The following CDH11 variants were observed in gnomAD, a reference collection of about 807,000 sequenced individuals.
CDH11 encodes the protein cadherin-11.
CDH11 carries 11 observed loss-of-function variants against 67.8 expected under a neutral mutation model. The ratio of observed to expected loss-of-function variants is 0.16; its 90% CI spans 0.10 to 0.27. The LOEUF (loss-of-function observed/expected upper bound fraction) is 0.27, where lower values mean the gene tolerates loss of function less well. Among genes scored for constraint, CDH11 ranks in the 10% least tolerant of loss-of-function variants. The probability of loss-of-function intolerance (pLI) is 1.00; values close to 1 mark genes in which losing one functional copy is unlikely to be tolerated. For synonymous variants in CDH11, 419 were observed against 400.0 expected (o/e 1.05, Z -0.57); for missense variants, 847 against 1,031.2 (o/e 0.82, Z 2.45).
chr16:65,088,586 A>G (rs2142823526), intron 1 of CDH11, among the ~76,000 whole-genome samples: 1 of 152,356 alleles, frequency 6.6e-6, no homozygotes, highest in East Asian at 1.9e-4. Flanking sequence ...AACTGTTACT[A>G]TTCAAAGAAT....
chr16:65,121,803 T>G lies in CDH11; in HGVS notation c.-298+77A>C. 2.9e-6 allele frequency: 2 copies of G among 689,894 alleles called. No homozygotes were observed. The highest frequency in any genetic ancestry group is 3.0e-5 in the South Asian group (2 of 67,122). 42.7% of individuals were successfully genotyped at this position (689,894 alleles called of 1,614,324 possible). ...ACCACCCCGCCCCGCCAAGACATTC[T>G]CTTCCTGAGAAAATCCTGCCCCCCA... On this transcript the variant is annotated intron_variant, in intron 1 of 12. Transcript: ENST00000268603. The surrounding 1 kb of genome is among the most constrained non-coding windows in gnomAD (Gnocchi z 4.1).
chr16:65,053,956 A>G (rs919846737), intron 1 of CDH11, 28 bp from the exon 2 acceptor site: 27 of 455,634 alleles, frequency 5.9e-5, no homozygotes, highest in Admixed American at 2.4e-4. Flanking sequence ...ATCATTAGTA[A>G]CCTAGTGGTG....
chr16:65,060,120 T>C (rs2074212495), intron 1 of CDH11, among the ~76,000 whole-genome samples: 1 of 152,136 alleles, frequency 6.6e-6, no homozygotes, highest in Non-Finnish European at 1.5e-5. Context: ...ATTTTATTTC[T>C]GCCTCATGAA....
chr16:64,983,652 G>C (rs2072412836), intron 7 of CDH11, among the ~76,000 whole-genome samples: 1 of 152,056 alleles, frequency 6.6e-6, no homozygotes, highest in Admixed American at 6.6e-5. Flanking sequence ...CATCTTCCCA[G>C]AGTCAGGAAA....
At chr16:65,023,179 C>T (rs774832443) in intron 2 of CDH11, among the ~76,000 whole-genome samples, 8 of 152,198 alleles carry the variant, frequency 5.3e-5, no homozygotes. Context: ...AAATGGGAGA[C>T]TGCATCAGGC....
At chr16:65,036,622 C>T (rs1019028114) in intron 2 of CDH11, among the ~76,000 whole-genome samples, 1 of 152,138 alleles carries the variant, frequency 6.6e-6, no homozygotes, top group African/African-American at 2.4e-5. Flanking sequence ...TTCCATTCTG[C>T]AGCCATCCTG....
intron 2 of CDH11, among the ~76,000 whole-genome samples, chr16:65,044,406 T>C (rs1170887994): frequency 6.6e-6 from 1 of 152,156 alleles, no homozygotes; most frequent in Non-Finnish European, 1.5e-5. Context: ...AAATGACCTT[T>C]TAGGGTAGAA....
chr16:64,971,743 C>A (rs756673090), intron 10 of CDH11, 47 bp from the exon 11 acceptor site: 1 of 1,450,744 alleles, frequency 6.9e-7, no homozygotes. Flanking sequence ...GACATTGGCA[C>A]ATCATTTATT....
chr16:64,974,042 A>T (rs1050138552), intron 8 of CDH11, among the ~76,000 whole-genome samples: 31 of 152,150 alleles, frequency 2.0e-4, no homozygotes, highest in African/African-American at 7.2e-4. Flanking sequence ...CTTTTTACTA[A>T]TAACGGATAA....
chr16:64,980,055 G>A (rs1307846299), intron 8 of CDH11, among the ~76,000 whole-genome samples: 1 of 152,138 alleles, frequency 6.6e-6, no homozygotes, highest in African/African-American at 2.4e-5. Context: ...GTTACAGGAG[G>A]CTGGGAAGCA....
In CDH11 at chr16:65,007,856, C is replaced by CA. The variant is rs574450218; in HGVS notation, c.-172-2816dup. ...CATTTATATGTCTGACACCTGAACA[C>CA]AAAGCAGGCCGTCAATACAATTTTA... On this transcript the variant is annotated intron_variant, in intron 2 of 12. Coordinates refer to ENST00000268603, the MANE Select transcript of CDH11 (RefSeq NM_001797.4). Among the ~76,000 whole-genome samples the CA allele has an allele frequency of 2.0e-4, 30 of 152,220 alleles. 2 individuals carry two copies. In the South Asian group the frequency reaches 3.7e-3, roughly 19 times the overall value.
intron 2 of CDH11, among the ~76,000 whole-genome samples, chr16:65,021,877 A>G (rs1335354083): frequency 1.2e-4 from 1 of 8,348 alleles, no homozygotes; most frequent in Non-Finnish European, 3.5e-4. Flanking sequence ...AGTAACTCAG[A>G]AAAAAAAAAA....
intron 1 of CDH11, among the ~76,000 whole-genome samples, chr16:65,101,482 G>C (rs554553291): frequency 6.6e-6 from 1 of 152,238 alleles, no homozygotes; most frequent in East Asian, 1.9e-4. Context: ...CTAATATCTT[G>C]CCCTACTTTC....
chr16:65,074,468 G>A (rs533990079), intron 1 of CDH11, among the ~76,000 whole-genome samples: 2 of 152,172 alleles, frequency 1.3e-5, no homozygotes, highest in Non-Finnish European at 2.9e-5. Flanking sequence ...TCCTAGTAGT[G>A]CCTGCCTTAT....
chr16:65,097,157 T>C (rs1184678794), intron 1 of CDH11, among the ~76,000 whole-genome samples: 1 of 152,178 alleles, frequency 6.6e-6, no homozygotes, highest in African/African-American at 2.4e-5. Flanking sequence ...TTTCAGCTAT[T>C]GGGAAAAACA....
At chr16:65,028,328 G>GAGA (rs2073573470) in intron 2 of CDH11, among the ~76,000 whole-genome samples, 2 of 152,022 alleles carry the variant, frequency 1.3e-5, no homozygotes, top group Admixed American at 1.3e-4. Context: ...GGTCCTGTCG[G>GAGA]GGCAGAGGAG....
At chr16:64,963,653 T>G (rs1202367277) in intron 11 of CDH11, among the ~76,000 whole-genome samples, 1 of 152,100 alleles carries the variant, frequency 6.6e-6, no homozygotes, top group African/African-American at 2.4e-5. Context: ...CCTAGTCATA[T>G]CATATTCAAA....
intron 2 of CDH11, among the ~76,000 whole-genome samples, chr16:65,034,726 T>C (rs1364747820): frequency 6.6e-6 from 1 of 152,208 alleles, no homozygotes; most frequent in Non-Finnish European, 1.5e-5. Context: ...TAAAGCTTAA[T>C]GGCATTGGAA....
chr16:64,948,775 A>G (rs1179965185), intron 12 of CDH11: 1 of 1,597,932 alleles, frequency 6.3e-7, no homozygotes, highest in Non-Finnish European at 8.5e-7. Context: ...GGGTTCCATT[A>G]AGCTTGGGCA....
Sources: gnomAD v4.1 joint callset for allele counts (sites outside exome capture counted in the v4.1 genomes callset) on GRCh38, gnomAD v4.1.1 for gene constraint, Gnocchi (gnomAD v3.1) non-coding constraint, MANE v1.5 for transcripts, NCBI Gene and HGNC (gene_info 2026-07-23, HGNC 2026-07-21) for gene names.